Variants in DNAH9 observed in about 807,000 individuals in gnomAD.
DNAH9 encodes DNAH9 variant protein.
In DNAH9, 345 loss-of-function variants were observed where a neutral mutation model predicts 471.6. The ratio of observed to expected loss-of-function variants is 0.73; its 90% CI spans 0.67 to 0.80. DNAH9 has a LOEUF of 0.80. Among genes scored for constraint, DNAH9 ranks in the 30% least tolerant of loss-of-function variants. DNAH9 has a pLI of 0.00. For missense variants in DNAH9, 5,407 were observed against 5,609.2 expected, an observed-to-expected ratio of 0.96 and a Z score of 1.15; for synonymous variants, 2,093 against 2,123.6, an observed-to-expected ratio of 0.99 and a Z score of 0.40.
chr17:11,831,885 G>A (rs1970697520), intron 48 of DNAH9, among the ~76,000 whole-genome samples: 1 of 151,972 alleles, frequency 6.6e-6, no homozygotes, highest in African/African-American at 2.4e-5. Flanking sequence ...TTACCACCAT[G>A]GTCCCCATCA....
At chr17:11,619,521 A>G (rs1237113006) in intron 5 of DNAH9, 27 bp from the exon 6 acceptor site, 2 of 1,341,186 alleles carry the variant, frequency 1.5e-6, no homozygotes, top group Non-Finnish European at 2.1e-6. Flanking sequence ...GCACCTGCTC[A>G]GTGATACTAA....
At chr17:11,662,163 T>A (rs1488394434) in intron 14 of DNAH9, among the ~76,000 whole-genome samples, 1 of 152,184 alleles carries the variant, frequency 6.6e-6, no homozygotes, top group Non-Finnish European at 1.5e-5. Flanking sequence ...TTATAAGAAG[T>A]CAGTCATAAT....
At chr17:11,958,064 GGATT>G (rs915668728) in intron 67 of DNAH9, among the ~76,000 whole-genome samples, 135 of 152,216 alleles carry the variant, frequency 8.9e-4, no homozygotes, top group African/African-American at 3.1e-3. Context: ...TCCAGACAGT[GGATT>G]ATTATTCAAT....
At chr17:11,924,372 TG>T (rs1974243641) in intron 62 of DNAH9, among the ~76,000 whole-genome samples, 1 of 152,058 alleles carries the variant, frequency 6.6e-6, no homozygotes, top group Non-Finnish European at 1.5e-5. Context: ...GACTAGGATA[TG>T]GGAGCAACCT....
chr17:11,949,700 C>G (rs956518300), intron 67 of DNAH9, among the ~76,000 whole-genome samples: 2 of 152,138 alleles, frequency 1.3e-5, no homozygotes, highest in Non-Finnish European at 2.9e-5. Flanking sequence ...AGGCTGGTCT[C>G]AAACTCCCAA....
In DNAH9 at chr17:11,617,499, G is replaced by A. The variant is rs954888924; in HGVS notation, c.993G>A (p.Val331=). 2 of 1,614,140 alleles carry A rather than the reference G, an allele frequency of 1.2e-6. No homozygotes were observed. The highest frequency in any genetic ancestry group is 1.3e-5 in the African/African-American group (1 of 75,036). Residue 331 remains valine (V), a synonymous_variant, in exon 5 of 69, where the codon GTG becomes GTA. Transcript: ENST00000262442. ...EALENAEFPE[V]KPQLRPLLHV... is the part of the protein sequence containing the mutation. ...TGGAGAATGCAGAATTTCCGGAGGT[G>A]AAGCCCCAGCTGCGGCCCCTGCTCC...
At chr17:11,864,501 G>T (rs2150980343) in intron 50 of DNAH9, among the ~76,000 whole-genome samples, 1 of 150,774 alleles carries the variant, frequency 6.6e-6, no homozygotes, top group South Asian at 2.1e-4. Context: ...ATATTCTGTT[G>T]ATTTGGGGTG....
intron 6 of DNAH9, among the ~76,000 whole-genome samples, chr17:11,629,103 CT>C (rs892178042): frequency 5.9e-4 from 85 of 143,566 alleles, no homozygotes; most frequent in South Asian, 2.7e-3. Context: ...TTTTTTACTT[CT>C]TTTTTTTTTA....
chr17:11,650,384 T>C (rs751841318), intron 12 of DNAH9, among the ~76,000 whole-genome samples: 3 of 152,208 alleles, frequency 2.0e-5, no homozygotes, highest in South Asian at 4.1e-4. Context: ...CCCTGTTTCA[T>C]TGGACAAATC....
chr17:11,669,006 C>T (rs1184478657), intron 15 of DNAH9, 58 bp from the exon 16 acceptor site: 1 of 1,250,082 alleles, frequency 8.0e-7, no homozygotes. Context: ...AAACAGTCCT[C>T]TACTTTGTCC....
intron 27 of DNAH9, among the ~76,000 whole-genome samples, chr17:11,727,068 A>C (rs1356325658): frequency 6.7e-6 from 1 of 150,280 alleles, no homozygotes; most frequent in South Asian, 2.1e-4. Flanking sequence ...AAAAAAAAAA[A>C]AAAAAAAAAC....
intron 4 of DNAH9, 76 bp downstream of exon 4, chr17:11,611,856 C>A: frequency 6.9e-7 from 1 of 1,441,680 alleles, no homozygotes; most frequent in Non-Finnish European, 9.8e-7. Context: ...CTCTCTCTGT[C>A]TGAATTCCGC....
At chr17:11,823,626 G>A (rs143441604) in intron 48 of DNAH9, among the ~76,000 whole-genome samples, 18 of 152,206 alleles carry the variant, frequency 1.2e-4, no homozygotes, top group Non-Finnish European at 1.8e-4. Flanking sequence ...CTGAGTAGTT[G>A]GCCATGGAAA....
chr17:11,827,578 C>T (rs77345300), intron 48 of DNAH9, among the ~76,000 whole-genome samples: 10 of 152,252 alleles, frequency 6.6e-5, no homozygotes, highest in East Asian at 1.9e-4. Flanking sequence ...AGTCACCTCC[C>T]GCCAGGCCCC....
chr17:11,610,521 C>T lies in DNAH9; in HGVS notation c.740C>T (p.Thr247Ile). 1 of 1,613,020 alleles carries T rather than the reference C, an allele frequency of 6.2e-7. No individual in the cohort carries two copies. Among genetic ancestry groups the T allele is most frequent in the Non-Finnish European group, 8.5e-7 (1 of 1,179,978 alleles). ...CCACTCTTACAAGGGGAGAATCCCACCCCTAAGGTGGAGTTGGAGTTCTGG... is the reference window on the plus strand; with the variant it reads ...CCACTCTTACAAGGGGAGAATCCCATCCCTAAGGTGGAGTTGGAGTTCTGG... The part of the protein sequence containing the change: ...SQPLLQGENP[T>I]PKVELEFWKS... Residue 247 changes from threonine (T) to isoleucine (I), a missense_variant, in exon 3 of 69, where the codon ACC (threonine) becomes ATC (isoleucine). Around this residue, in one of 3 missense-constraint regions of DNAH9, gnomAD observed 767 missense variants for 692.5 expected, o/e 1.11. Transcript: ENST00000262442.
chr17:11,610,552 C>G lies in DNAH9; in HGVS notation c.771C>G (p.Ser257Arg). Reference sequence around the variant, plus strand: ...AGGTGGAGTTGGAGTTCTGGAAGAGCAGGTAGGCAAGAAGGCACATGCTGG... The same window carrying G: ...AGGTGGAGTTGGAGTTCTGGAAGAGGAGGTAGGCAAGAAGGCACATGCTGG... ...TPKVELEFWK[S>R]RYEDLKYIYN... The change falls in exon 3 of 69, where the codon AGC becomes AGG. Residue 257 changes from serine (S) to arginine (R), a missense_variant and splice_region_variant. Coordinates refer to ENST00000262442, the MANE Select transcript of DNAH9 (RefSeq NM_001372.4). The G allele has an allele frequency of 2.5e-6, 4 of 1,612,108 alleles. No individual in the cohort carries two copies. The highest frequency in any genetic ancestry group is 3.4e-6 in the Non-Finnish European group (4 of 1,179,768).
intron 67 of DNAH9, among the ~76,000 whole-genome samples, chr17:11,951,864 A>C (rs1390527650): frequency 6.6e-6 from 1 of 151,124 alleles, no homozygotes; most frequent in Admixed American, 6.6e-5. Flanking sequence ...CAGAGGTTGC[A>C]GTGAGCTGAG....
At chr17:11,617,299 G>C in intron 4 of DNAH9, 112 bp from the exon 5 acceptor site, 1 of 686,952 alleles carries the variant, frequency 1.5e-6, no homozygotes, top group Non-Finnish European at 2.5e-6. Context: ...TCTGGAACCA[G>C]CCTTCTCTCT....
intron 28 of DNAH9, among the ~76,000 whole-genome samples, chr17:11,732,974 C>T (rs948145002): frequency 2.0e-5 from 3 of 152,208 alleles, no homozygotes; most frequent in Non-Finnish European, 4.4e-5. Context: ...AACAAATGCT[C>T]CAGTCTCAGA....
Sources: gnomAD v4.1 joint callset for allele counts (sites outside exome capture counted in the v4.1 genomes callset) on GRCh38, gnomAD v4.1.1 for gene constraint, gnomAD v4.1.1 regional missense constraint, MANE v1.5 for transcripts, NCBI Gene and HGNC (gene_info 2026-07-23, HGNC 2026-07-21) for gene names.